The following ARHGAP19 variants were observed in gnomAD, a reference collection of about 807,000 sequenced individuals.
ARHGAP19 encodes the protein Rho GTPase activating protein 19, also known as rho GTPase-activating protein 19.
In ARHGAP19, 48 loss-of-function variants were observed where a neutral mutation model predicts 60.9. That is an observed-to-expected ratio of 0.79 (90% CI 0.62 to 1.00). The LOEUF (loss-of-function observed/expected upper bound fraction) is 1.00. ARHGAP19 is among the 50% of genes least tolerant of loss of function. The pLI is 0.00. For missense variants in ARHGAP19, 562 were observed against 597.2 expected, an observed-to-expected ratio of 0.94 and a Z score of 0.61; for synonymous variants, 209 against 215.5, an observed-to-expected ratio of 0.97 and a Z score of 0.27.
intron 1 of ARHGAP19, among the ~76,000 whole-genome samples, chr10:97,273,034 G>A (rs1268124059): frequency 6.6e-6 from 1 of 151,814 alleles, no homozygotes; most frequent in Non-Finnish European, 1.5e-5. Context: ...TGGAGACGGG[G>A]TTTCACCGTG....
chr10:97,270,515 A>T, intron 1 of ARHGAP19: 2 of 983,678 alleles, frequency 2.0e-6, no homozygotes, highest in Non-Finnish European at 3.0e-6. Flanking sequence ...AGAAAAAACT[A>T]CTATATTTAA....
At chr10:97,292,458 C>A in intron 1 of ARHGAP19, 114 bp downstream of exon 1, 1 of 1,363,126 alleles carries the variant, frequency 7.3e-7, no homozygotes, top group Admixed American at 1.9e-5. Flanking sequence ...TGAGAAACGC[C>A]GTGGGAGAAA....
intron 1 of ARHGAP19, among the ~76,000 whole-genome samples, chr10:97,289,662 C>A (rs1843203683): frequency 6.6e-6 from 1 of 151,538 alleles, no homozygotes; most frequent in Admixed American, 6.6e-5. Context: ...TGGCAAGACC[C>A]CGGTTTCTAC....
At chr10:97,228,911 ACACAGGGAC>A (rs1420948387) in intron 11 of ARHGAP19, among the ~76,000 whole-genome samples, 1 of 152,218 alleles carries the variant, frequency 6.6e-6, no homozygotes, top group Non-Finnish European at 1.5e-5. Context: ...CTGTCCAAGA[ACACAGGGAC>A]CATGTGGGTC....
intron 3 of ARHGAP19, among the ~76,000 whole-genome samples, chr10:97,263,966 A>G (rs1235442471): frequency 6.6e-6 from 1 of 152,160 alleles, no homozygotes; most frequent in Admixed American, 6.5e-5. Flanking sequence ...AAATCTCCCT[A>G]AAGACCTCTT....
At chr10:97,269,696 TTATAA>T (rs1314929918) in intron 1 of ARHGAP19, among the ~76,000 whole-genome samples, 3 of 152,172 alleles carry the variant, frequency 2.0e-5, no homozygotes, top group African/African-American at 7.2e-5. Flanking sequence ...AAAAAGAGTC[TTATAA>T]TTTATTGAGT....
At chr10:97,279,056 AAC>A (rs1403654140) in intron 1 of ARHGAP19, among the ~76,000 whole-genome samples, 1 of 152,220 alleles carries the variant, frequency 6.6e-6, no homozygotes, top group Admixed American at 6.5e-5. Context: ...AAGGCTCTGA[AAC>A]ACAGCTTTAA....
At position 97,292,557 on chromosome 10, in the gene ARHGAP19, C is replaced by A. The variant is rs766114593; in HGVS notation, c.56+15G>T. On this transcript the variant is annotated intron_variant, in intron 1 of 11. Transcript: ENST00000358531. ...AGGCCGCGTTTCCCAGGAAACTGGA[C>A]CAAACTCAGCTCACCTCCGGCCGGA... The A allele has an allele frequency of 6.2e-7, 1 of 1,614,206 alleles. No homozygotes were observed. The highest frequency in any genetic ancestry group is 2.2e-5 in the East Asian group (1 of 44,880).
Position 97,243,983 on chromosome 10 carries a change from TTTC to T in ARHGAP19, c.1167_1169del (p.Lys390del). On this transcript the variant is annotated inframe_deletion, in exon 8 of 12. Coordinates refer to ENST00000358531, the MANE Select transcript of ARHGAP19 (RefSeq NM_032900.6). ...CTTTAGGCACCTGTCTAATAAGTTG[TTTC>T]TTCTTTGCTGACTCTGGCATATCAT... The T allele has an allele frequency of 6.2e-7, 1 of 1,608,650 alleles. No homozygotes were observed.
intron 8 of ARHGAP19, among the ~76,000 whole-genome samples, chr10:97,236,815 A>AAAAAAAAAAAAAAAAAC: frequency 6.6e-6 from 1 of 151,442 alleles, no homozygotes; most frequent in Admixed American, 6.6e-5. Flanking sequence ...AAAAAAAAAA[A>AAAAAAAAAAAAAAAAAC]AAAAAAAAAA....
In ARHGAP19 at chr10:97,222,661, G is replaced by A. The variant is rs564854708; in HGVS notation, c.*3461C>T. The A allele has an allele frequency of 2.6e-5, 4 of 152,300 alleles. No individual in the cohort carries two copies. Among genetic ancestry groups the A allele is most frequent in the South Asian group, 4.1e-4 (2 of 4,828 alleles). The allele number at this position is 152,300 out of a possible 1,614,324, so 9.4% of individuals were successfully genotyped here. A position where few individuals can be genotyped will look rare whatever the true frequency, so the allele number is the denominator to read the frequency against. Reference sequence around the variant, plus strand: ...GGTGTAAAACGCTTGTGCATCTTAGGAACCCAAATCTTCCCCAAATTCTAG... The same window carrying A: ...GGTGTAAAACGCTTGTGCATCTTAGAAACCCAAATCTTCCCCAAATTCTAG... On this transcript the variant is annotated 3_prime_UTR_variant, in exon 12 of 12. Coordinates refer to ENST00000358531, the MANE Select transcript of ARHGAP19 (RefSeq NM_032900.6).
chr10:97,236,393 T>TTTTTG (rs1842378361), intron 8 of ARHGAP19, among the ~76,000 whole-genome samples: 1 of 152,128 alleles, frequency 6.6e-6, no homozygotes. Flanking sequence ...ACCAAGAGGT[T>TTTTTG]CTCAAAGTTA....
intron 11 of ARHGAP19, among the ~76,000 whole-genome samples, chr10:97,228,144 G>A (rs1850932891): frequency 6.6e-6 from 1 of 152,180 alleles, no homozygotes; most frequent in Non-Finnish European, 1.5e-5. Context: ...ATTCATTCAA[G>A]GATAAGTAAG....
intron 1 of ARHGAP19, among the ~76,000 whole-genome samples, chr10:97,273,970 C>G (rs1444457123): frequency 1.3e-5 from 2 of 151,918 alleles, no homozygotes; most frequent in African/African-American, 4.8e-5. Context: ...CATACACACA[C>G]ACACACACAA....
intron 4 of ARHGAP19, among the ~76,000 whole-genome samples, chr10:97,262,193 AAAAAT>A (rs1842838950): frequency 1.5e-5 from 1 of 65,090 alleles, no homozygotes; most frequent in African/African-American, 4.4e-5. Context: ...AAAAAAAAAA[AAAAAT>A]TTTTTTTTTT....
At chr10:97,285,260 A>G (rs1843138566) in intron 1 of ARHGAP19, among the ~76,000 whole-genome samples, 1 of 152,212 alleles carries the variant, frequency 6.6e-6, no homozygotes, top group African/African-American at 2.4e-5. Context: ...TGTAGTTAAC[A>G]TTAATTAACT....
At chr10:97,229,043 T>C in intron 11 of ARHGAP19, 104 bp downstream of exon 11, 5 of 1,164,716 alleles carry the variant, frequency 4.3e-6, no homozygotes, top group Non-Finnish European at 6.4e-6. Flanking sequence ...TTTATGTCAC[T>C]TCTGACTACA....
rs200076395 is a variant in ARHGAP19 at position 97,226,090 on chromosome 10, T to C, written c.*32A>G. On this transcript the variant is annotated 3_prime_UTR_variant, in exon 12 of 12. Transcript: ENST00000358531. ...CACCTGCCCACTAAACAGAAAATTC[T>C]GCATGGACCATAGGAGACAACTCTG... is the stretch of plus-strand genomic sequence containing the variant. The C allele has an allele frequency of 2.0e-4, 324 of 1,612,500 alleles. No homozygotes were observed. Among genetic ancestry groups the C allele is most frequent in the Non-Finnish European group, 2.6e-4 (304 of 1,178,876 alleles).
intron 8 of ARHGAP19, among the ~76,000 whole-genome samples, chr10:97,238,939 T>C (rs1367826844): frequency 6.6e-6 from 1 of 152,192 alleles, no homozygotes; most frequent in African/African-American, 2.4e-5. Flanking sequence ...TTTTATACTG[T>C]ATTTTTACTG....
Sources: allele counts gnomAD v4.1 joint callset (sites outside exome capture counted in the v4.1 genomes callset), GRCh38; gene constraint gnomAD v4.1.1; transcripts MANE v1.5; gene names NCBI Gene and HGNC (gene_info 2026-07-23, HGNC 2026-07-21).